Variants in VTI1A observed in about 807,000 individuals in gnomAD.
VTI1A encodes the protein vesicle transport through interaction with t-SNAREs 1A, also known as vesicle transport through interaction with t-SNAREs homolog 1A.
In VTI1A, 22 loss-of-function variants were observed where a neutral mutation model predicts 34.9. The ratio of observed to expected loss-of-function variants is 0.63; its 90% CI spans 0.45 to 0.90. The LOEUF (loss-of-function observed/expected upper bound fraction) is 0.90. Among genes scored for constraint, VTI1A ranks in the 40% least tolerant of loss-of-function variants. VTI1A has a pLI of 0.00. For missense variants in VTI1A, 268 were observed against 275.6 expected (o/e 0.97, Z 0.20); for synonymous variants, 87 against 97.3 (o/e 0.89, Z 0.62).
At chr10:112,659,035 C>T (rs926394257) in intron 5 of VTI1A, among the ~76,000 whole-genome samples, 4 of 152,316 alleles carry the variant, frequency 2.6e-5, no homozygotes, top group Non-Finnish European at 5.9e-5. Flanking sequence ...ACAAAGAGTA[C>T]AAATAGTGAT....
chr10:112,455,787 C>T (rs1190284498), intron 1 of VTI1A, among the ~76,000 whole-genome samples: 1 of 151,774 alleles, frequency 6.6e-6, no homozygotes, highest in Non-Finnish European at 1.5e-5. Context: ...TCAGTTCCAT[C>T]ATTATTTCTG....
At chr10:112,672,663 G>A (rs1251820024) in intron 7 of VTI1A, 1 of 152,120 alleles carries the variant, frequency 6.6e-6, no homozygotes, top group East Asian at 1.9e-4. Context: ...ATCACTAGGA[G>A]ACTTAAATGT....
intron 5 of VTI1A, among the ~76,000 whole-genome samples, chr10:112,582,221 C>A (rs936844910): frequency 6.6e-6 from 1 of 152,150 alleles, no homozygotes; most frequent in Non-Finnish European, 1.5e-5. Context: ...AGGACACTCT[C>A]TCCTGTCTCT....
Position 112,572,865 on chromosome 10 carries a change from G to T in VTI1A, c.427+34535G>T, listed in dbSNP as rs1271316331. ...ACCAAAAAAAAAAAAAAAAAGAAAT[G>T]TTCTCTCTTCTTCAGGAAACCATGA... On this transcript the variant is annotated intron_variant, in intron 5 of 7. Transcript: ENST00000393077. 2.0e-5 allele frequency among the ~76,000 whole-genome samples: 3 copies of T among 149,336 alleles called. No individual in the cohort carries two copies. The East Asian group carries it at 5.9e-4, about 29-fold the overall frequency.
At chr10:112,739,762 A>G (rs1365652287) in intron 7 of VTI1A, among the ~76,000 whole-genome samples, 2 of 152,258 alleles carry the variant, frequency 1.3e-5, no homozygotes, top group Non-Finnish European at 2.9e-5. Flanking sequence ...TGTTTGAATA[A>G]CAGTGGACTA....
chr10:112,519,156 TA>T (rs1849919072), intron 3 of VTI1A, among the ~76,000 whole-genome samples: 1 of 152,058 alleles, frequency 6.6e-6, no homozygotes, highest in East Asian at 1.9e-4. Flanking sequence ...GAAAATAGGT[TA>T]TAAAAATTGT....
At chr10:112,522,191 G>C (rs1443458156) in intron 3 of VTI1A, among the ~76,000 whole-genome samples, 1 of 151,950 alleles carries the variant, frequency 6.6e-6, no homozygotes, top group African/African-American at 2.4e-5. Flanking sequence ...AAATTCTTTG[G>C]CTATGAAAGC....
intron 1 of VTI1A, among the ~76,000 whole-genome samples, chr10:112,456,672 A>T (rs186903484): frequency 7.9e-5 from 12 of 152,278 alleles, no homozygotes; most frequent in Non-Finnish European, 1.5e-4. Context: ...TCAATTTCCT[A>T]TTGAGGAACT....
intron 3 of VTI1A, among the ~76,000 whole-genome samples, chr10:112,500,068 A>G (rs560002864): frequency 6.6e-6 from 1 of 152,232 alleles, no homozygotes; most frequent in African/African-American, 2.4e-5. Context: ...GAGTTCATAA[A>G]GCCTCAGTCT....
chr10:112,787,698 C>CTTTTTTTTTTTTTTTTTTT (rs34862909), intron 7 of VTI1A, among the ~76,000 whole-genome samples: 56 of 103,272 alleles, frequency 5.4e-4, no homozygotes, highest in African/African-American at 7.8e-4. Flanking sequence ...TTTTTCTTTT[C>CTTTTTTTTTTTTTTTTTTT]TTTTTTTTTT....
intron 5 of VTI1A, among the ~76,000 whole-genome samples, chr10:112,619,157 AT>A (rs954009088): frequency 1.5e-4 from 22 of 150,388 alleles, no homozygotes; most frequent in African/African-American, 5.1e-4. Context: ...ACTAGCAGGT[AT>A]TTTTTTTTCC....
At chr10:112,647,896 A>G (rs551572317) in intron 5 of VTI1A, among the ~76,000 whole-genome samples, 2 of 152,154 alleles carry the variant, frequency 1.3e-5, no homozygotes, top group African/African-American at 4.8e-5. Flanking sequence ...TAGCCTCCTA[A>G]GTAGCTGGGA....
chr10:112,710,353 G>A (rs1290888038), intron 7 of VTI1A, among the ~76,000 whole-genome samples: 4 of 151,646 alleles, frequency 2.6e-5, no homozygotes, highest in Admixed American at 6.6e-5. Context: ...GATTACAAGC[G>A]TGCACCACCA....
intron 7 of VTI1A, among the ~76,000 whole-genome samples, chr10:112,760,582 G>T (rs1851427779): frequency 6.6e-6 from 1 of 152,108 alleles, no homozygotes; most frequent in Non-Finnish European, 1.5e-5. Flanking sequence ...ACCAAGATGA[G>T]ATTTTATTTT....
intron 7 of VTI1A, among the ~76,000 whole-genome samples, chr10:112,789,900 C>A (rs1852403811): frequency 6.7e-6 from 1 of 149,786 alleles, no homozygotes; most frequent in African/African-American, 2.4e-5. Flanking sequence ...GAGTCAGTTT[C>A]TATTGACTGC....
chr10:112,716,710 T>C (rs148887582), intron 7 of VTI1A, among the ~76,000 whole-genome samples: 3 of 152,280 alleles, frequency 2.0e-5, no homozygotes, highest in African/African-American at 7.2e-5. Flanking sequence ...AAAGGAATAC[T>C]CACTGGAGCA....
intron 7 of VTI1A, chr10:112,752,553 G>A: frequency 1.0e-6 from 1 of 985,372 alleles, no homozygotes; most frequent in South Asian, 4.7e-5. Context: ...CTCCTTCAGG[G>A]GGAACATGCT....
At chr10:112,815,242 G>T in intron 7 of VTI1A, 48 bp from the exon 8 acceptor site, 1 of 1,508,132 alleles carries the variant, frequency 6.6e-7, no homozygotes, top group African/African-American at 1.4e-5. Context: ...TTTGTGGGAA[G>T]GCCTTCCACT....
At chr10:112,808,513 T>C (rs1258411673) in intron 7 of VTI1A, among the ~76,000 whole-genome samples, 1 of 150,572 alleles carries the variant, frequency 6.6e-6, no homozygotes, top group Admixed American at 6.7e-5. Flanking sequence ...TAATCTCAGC[T>C]ACTCAGGAGG....
Sources: gnomAD v4.1 joint callset for allele counts (sites outside exome capture counted in the v4.1 genomes callset) on GRCh38, gnomAD v4.1.1 for gene constraint, MANE v1.5 for transcripts, NCBI Gene and HGNC (gene_info 2026-07-23, HGNC 2026-07-21) for gene names.